Variants in KLHL32 observed in about 807,000 individuals in gnomAD.
KLHL32 encodes the protein kelch like family member 32.
KLHL32 carries 35 observed loss-of-function variants against 64.8 expected under a neutral mutation model. That is an observed-to-expected ratio of 0.54 (90% CI 0.41 to 0.72). The LOEUF (loss-of-function observed/expected upper bound fraction) is 0.72. KLHL32 is among the 30% of genes least tolerant of loss of function. The pLI, the probability that KLHL32 is intolerant of heterozygous loss-of-function variation, is 0.00. For missense variants in KLHL32, 589 were observed against 768.5 expected, an observed-to-expected ratio of 0.77 and a Z score of 2.76; for synonymous variants, 259 against 281.0, an observed-to-expected ratio of 0.92 and a Z score of 0.78.
intron 4 of KLHL32, among the ~76,000 whole-genome samples, chr6:97,057,723 G>A (rs1264409382): frequency 6.6e-6 from 1 of 152,052 alleles, no homozygotes; most frequent in Admixed American, 6.5e-5. Flanking sequence ...TGTATTTTGT[G>A]GAGCAGAAGT....
chr6:96,956,292 G>GC (rs1401299103), intron 1 of KLHL32, among the ~76,000 whole-genome samples: 1 of 152,176 alleles, frequency 6.6e-6, no homozygotes, highest in Non-Finnish European at 1.5e-5. Flanking sequence ...TCATTTTTAT[G>GC]CCCCTTTTAC....
intron 3 of KLHL32, among the ~76,000 whole-genome samples, chr6:96,989,893 G>A (rs982578025): frequency 2.6e-5 from 4 of 152,100 alleles, no homozygotes; most frequent in Non-Finnish European, 5.9e-5. Flanking sequence ...AAAAAAAAGT[G>A]CGATTATTAT....
chr6:97,075,421 C>T (rs113674756), intron 5 of KLHL32, among the ~76,000 whole-genome samples: 151 of 152,192 alleles, frequency 9.9e-4, no homozygotes, highest in African/African-American at 3.5e-3. Context: ...TATCATATTA[C>T]AAGTTATCTG....
At chr6:97,106,719 G>A (rs949749251) in intron 6 of KLHL32, among the ~76,000 whole-genome samples, 2 of 151,484 alleles carry the variant, frequency 1.3e-5, no homozygotes, top group Non-Finnish European at 2.9e-5. Flanking sequence ...ACTCCACTCC[G>A]GGTGACAGAG....
chr6:96,905,298 C>G, the KLHL32 span, among the ~76,000 whole-genome samples: 1 of 152,138 alleles, frequency 6.6e-6, no homozygotes, highest in African/African-American at 2.4e-5. Flanking sequence ...CAGAAGGACC[C>G]CAGAAAATAT....
At chr6:97,065,685 T>C (rs1231777529) in intron 5 of KLHL32, among the ~76,000 whole-genome samples, 3 of 152,248 alleles carry the variant, frequency 2.0e-5, no homozygotes, top group Non-Finnish European at 2.9e-5. Flanking sequence ...ATGATATTAG[T>C]GAGCAGAAAA....
chr6:97,030,807 T>C (rs1384256638), intron 3 of KLHL32, among the ~76,000 whole-genome samples: 1 of 152,222 alleles, frequency 6.6e-6, no homozygotes, highest in Non-Finnish European at 1.5e-5. Flanking sequence ...ACACCTTACA[T>C]GCAGAACATT....
At chr6:96,992,836 A>C (rs1220596888) in intron 3 of KLHL32, among the ~76,000 whole-genome samples, 2 of 152,264 alleles carry the variant, frequency 1.3e-5, no homozygotes, top group African/African-American at 4.8e-5. Flanking sequence ...TAATTTGCCC[A>C]GGGACTGCCA....
intron 3 of KLHL32, chr6:97,025,061 AT>A: frequency 1.0e-6 from 1 of 985,298 alleles, no homozygotes; most frequent in Non-Finnish European, 1.2e-6. Context: ...AGCTGATGGA[AT>A]TTTTAAACTC....
the KLHL32 span, among the ~76,000 whole-genome samples, chr6:96,904,640 G>A: frequency 1.3e-5 from 2 of 152,054 alleles, no homozygotes; most frequent in African/African-American, 4.8e-5. Context: ...AATGAAGCTC[G>A]ATCACTGATA....
chr6:96,981,359 T>C (rs1221517510), intron 3 of KLHL32, among the ~76,000 whole-genome samples: 1 of 151,922 alleles, frequency 6.6e-6, no homozygotes, highest in East Asian at 1.9e-4. Flanking sequence ...GTTTGTAGTC[T>C]TTGAGGTTTT....
intron 3 of KLHL32, among the ~76,000 whole-genome samples, chr6:96,978,074 CCGT>C (rs1775908030): frequency 2.0e-5 from 3 of 152,028 alleles, no homozygotes; most frequent in Non-Finnish European, 4.4e-5. Flanking sequence ...TTTTAATGGA[CCGT>C]AATATAGCCT....
At chr6:96,964,518 T>C (rs1774228831) in intron 1 of KLHL32, among the ~76,000 whole-genome samples, 1 of 152,124 alleles carries the variant, frequency 6.6e-6, no homozygotes, top group South Asian at 2.1e-4. Context: ...CAGGGCGTGT[T>C]GGCCGGCGCC....
At chr6:97,105,248 C>T (rs1796247827) in intron 6 of KLHL32, among the ~76,000 whole-genome samples, 1 of 152,164 alleles carries the variant, frequency 6.6e-6, no homozygotes, top group Admixed American at 6.5e-5. Context: ...AGATAAAGAG[C>T]ATGCTCGATA....
At chr6:97,009,255 G>T (rs1298412985) in intron 3 of KLHL32, among the ~76,000 whole-genome samples, 1 of 151,464 alleles carries the variant, frequency 6.6e-6, no homozygotes, top group African/African-American at 2.4e-5. Flanking sequence ...CCAAAATTCT[G>T]TTAAGAAACA....
chr6:97,080,237 C>T (rs193240570), intron 5 of KLHL32, among the ~76,000 whole-genome samples: 8 of 152,096 alleles, frequency 5.3e-5, no homozygotes, highest in East Asian at 1.9e-4. Flanking sequence ...TTTGTGTGTA[C>T]GTGTCAGAAG....
chr6:97,091,456 T>C (rs9384835), intron 6 of KLHL32, among the ~76,000 whole-genome samples: 129,973 of 152,208 alleles, frequency 0.85, 55,627 homozygotes, highest in East Asian at 1. Context: ...TGCCATATGA[T>C]GGGTGCTGGG....
chr6:96,911,502 G>C, the KLHL32 span, among the ~76,000 whole-genome samples: 1 of 152,192 alleles, frequency 6.6e-6, no homozygotes, highest in African/African-American at 2.4e-5. Flanking sequence ...CAGCATTTAA[G>C]TGTGGTCAAA....
At chr6:96,984,777 A>G (rs1380434596) in intron 3 of KLHL32, among the ~76,000 whole-genome samples, 1 of 152,104 alleles carries the variant, frequency 6.6e-6, no homozygotes, top group Non-Finnish European at 1.5e-5. Context: ...TCTGCACGTG[A>G]GATGGGTTTC....
Sources: allele counts gnomAD v4.1 joint callset (sites outside exome capture counted in the v4.1 genomes callset), GRCh38; gene constraint gnomAD v4.1.1; transcripts MANE v1.5; gene names NCBI Gene and HGNC (gene_info 2026-07-23, HGNC 2026-07-21).